The following OTOGL variants were observed in gnomAD, a reference collection of about 807,000 sequenced individuals.
OTOGL encodes otogelin-like protein.
OTOGL carries 285 observed loss-of-function variants against 318.5 expected under a neutral mutation model. The ratio of observed to expected loss-of-function variants is 0.89; its 90% confidence interval spans 0.81 to 0.99. The LOEUF (loss-of-function observed/expected upper bound fraction) is 0.99, where lower values mean the gene tolerates loss of function less well. Ranked by LOEUF, OTOGL falls within the 50% of genes least tolerant of loss-of-function variation. The pLI, the probability that OTOGL is intolerant of heterozygous loss-of-function variation, is 0.00. For synonymous variants in OTOGL, 987 were observed against 936.5 expected, an observed-to-expected ratio of 1.05 and a Z score of -0.99; for missense variants, 2,899 against 2,845.6, an observed-to-expected ratio of 1.02 and a Z score of -0.43.
rs1891393587 is a variant in OTOGL at position 80,380,470 on chromosome 12, T to C, written c.*2422T>C. On this transcript the variant is annotated 3_prime_UTR_variant, in exon 59 of 59. Coordinates refer to ENST00000547103, the MANE Select transcript of OTOGL (RefSeq NM_001378609.3). The stretch of plus-strand genomic sequence containing the variant: ...AAAATGAGCCAAAGATATAAACTGA[T>C]AGTTGAAAGAAAAATAAGTAAGACT... 6.6e-6 allele frequency: 1 copy of C among 151,944 alleles called. No individual in the cohort carries two copies. The highest frequency in any genetic ancestry group is 1.5e-5 in the Non-Finnish European group (1 of 67,908). 9.4% of individuals were successfully genotyped at this position (151,944 alleles called of 1,614,324 possible).
At position 80,239,352 on chromosome 12, in the gene OTOGL, A is replaced by T. The variant is rs749445296; in HGVS notation, c.965A>T (p.Gln322Leu). 6.2e-7 allele frequency: 1 copy of T among 1,608,636 alleles called. No individual in the cohort carries two copies. Among genetic ancestry groups the T allele is most frequent in the African/African-American group, 1.3e-5 (1 of 74,706 alleles). The stretch of plus-strand genomic sequence containing the variant: ...GCACAGGCAATCTTCTTCAAGTGTC[A>T]GATACTGTTGCAGTTTCCTTTTCTG... ...PAFEAIFFKC[Q>L]ILLQFPFLSC... The change falls in exon 11 of 59, where the codon CAG becomes CTG. Residue 322 changes from glutamine (Q) to leucine (L), a missense_variant. Transcript: ENST00000547103.
chr12:80,151,506 AT>A (rs1445988245), intron 1 of OTOGL, among the ~76,000 whole-genome samples: 2 of 152,238 alleles, frequency 1.3e-5, no homozygotes, highest in Non-Finnish European at 2.9e-5. Context: ...TCTAAAAAAA[AT>A]AAATAAAATA....
intron 1 of OTOGL, chr12:80,103,436 A>G: frequency 1.6e-6 from 1 of 622,464 alleles, no homozygotes; most frequent in East Asian, 2.7e-5. Flanking sequence ...CTATGCCAGA[A>G]TGTTGTCCCT....
chr12:80,351,320 T>A (rs985186988), intron 44 of OTOGL, among the ~76,000 whole-genome samples: 1 of 152,028 alleles, frequency 6.6e-6, no homozygotes, highest in Non-Finnish European at 1.5e-5. Context: ...GTTGTTGTTT[T>A]GTTTGTTTGT....
chr12:80,129,746 C>T lies in OTOGL; in HGVS notation c.-20+30141C>T, dbSNP rs145459055. Among the ~76,000 whole-genome samples the T allele has an allele frequency of 9.9e-4, 150 of 152,264 alleles. 1 individual carries two copies. Among genetic ancestry groups the T allele is most frequent in the African/African-American group, 3.3e-3 (139 of 41,560 alleles). ...CCCATCACTTTCCTGAAATTTTATT[C>T]ATAGTCACCTGTGACCTTTTAGAAA... is the stretch of plus-strand genomic sequence containing the variant. On this transcript the variant is annotated intron_variant, in intron 1 of 58. Coordinates refer to ENST00000547103, the MANE Select transcript of OTOGL (RefSeq NM_001378609.3).
In OTOGL at chr12:80,308,520, C is replaced by T. The variant is rs1040000545; in HGVS notation, c.3334-2091C>T. On this transcript the variant is annotated intron_variant, in intron 29 of 58. Coordinates refer to ENST00000547103, the MANE Select transcript of OTOGL (RefSeq NM_001378609.3). Reference sequence around the variant, plus strand: ...GCAGAGGGGCTCCTCACATCCCAGACGATGGGCGGCCAGGCGGAGACGCTC... The same window carrying T: ...GCAGAGGGGCTCCTCACATCCCAGATGATGGGCGGCCAGGCGGAGACGCTC... 6.5e-3 allele frequency among the ~76,000 whole-genome samples: 972 copies of T among 149,482 alleles called. 4 individuals are homozygous for T. The highest frequency in any genetic ancestry group is 0.022 in the African/African-American group (903 of 40,570).
At chr12:80,352,763 A>G (rs1409995782) in intron 45 of OTOGL, among the ~76,000 whole-genome samples, 1 of 152,202 alleles carries the variant, frequency 6.6e-6, no homozygotes, top group Non-Finnish European at 1.5e-5. Flanking sequence ...CTGAGATTAT[A>G]CCATTTATAA....
chr12:80,252,249 C>T, intron 13 of OTOGL, 48 bp downstream of exon 13: 1 of 1,541,478 alleles, frequency 6.5e-7, no homozygotes, highest in Non-Finnish European at 8.8e-7. Context: ...GAAACTAGTA[C>T]CCAGTGATCT....
At chr12:80,246,217 G>C (rs1393618281) in intron 11 of OTOGL, among the ~76,000 whole-genome samples, 2 of 149,578 alleles carry the variant, frequency 1.3e-5, no homozygotes, top group African/African-American at 5.1e-5. Flanking sequence ...GGAGCGGTGA[G>C]AGAGAGCATC....
intron 56 of OTOGL, among the ~76,000 whole-genome samples, chr12:80,371,375 C>T (rs1037337): frequency 0.05 from 7,615 of 151,786 alleles, 266 homozygotes; most frequent in Admixed American, 0.098. Flanking sequence ...TCAATGATGA[C>T]GGCTGGCTGG....
At chr12:80,168,760 A>G (rs181566047) in intron 1 of OTOGL, among the ~76,000 whole-genome samples, 7 of 152,284 alleles carry the variant, frequency 4.6e-5, no homozygotes, top group African/African-American at 1.7e-4. Context: ...TTATCTTGTA[A>G]GTTATGATAT....
chr12:80,121,453 A>G (rs1870482532), intron 1 of OTOGL, among the ~76,000 whole-genome samples: 1 of 152,164 alleles, frequency 6.6e-6, no homozygotes, highest in Admixed American at 6.6e-5. Context: ...AGTATCTGCA[A>G]CAACTTCCTC....
At chr12:80,179,844 A>G (rs78101311) in intron 1 of OTOGL, among the ~76,000 whole-genome samples, 286 of 152,346 alleles carry the variant, frequency 1.9e-3, no homozygotes, top group African/African-American at 6.5e-3. Flanking sequence ...GCTGCTATCC[A>G]TGAAATATAC....
intron 1 of OTOGL, among the ~76,000 whole-genome samples, chr12:80,188,311 G>A (rs1244189467): frequency 2.6e-5 from 4 of 151,816 alleles, no homozygotes; most frequent in Non-Finnish European, 4.4e-5. Flanking sequence ...AGGCCGAGGC[G>A]GGCAGATCAC....
chr12:80,184,927 T>C (rs558983250), intron 1 of OTOGL, among the ~76,000 whole-genome samples: 14 of 152,346 alleles, frequency 9.2e-5, no homozygotes, highest in Admixed American at 5.9e-4. Flanking sequence ...GCATCTCCCA[T>C]ATGACAAGTA....
intron 1 of OTOGL, among the ~76,000 whole-genome samples, chr12:80,199,945 T>C (rs1306205559): frequency 3.3e-5 from 5 of 152,182 alleles, no homozygotes; most frequent in Admixed American, 1.3e-4. Context: ...TCTGAACTTT[T>C]CCTCCCTTTC....
Position 80,336,055 on chromosome 12 carries a change from G to T in OTOGL, c.4515G>T (p.Lys1505Asn). Reference sequence around the variant, plus strand: ...ACAACTGGTCCCTTAATTGCCCAAAGGACGTGGAAATGCCTGACTGTGGTT... The same window carrying T: ...ACAACTGGTCCCTTAATTGCCCAAATGACGTGGAAATGCCTGACTGTGGTT... ...QLYNWSLNCP[K>N]DVEMPDCGFR... is the part of the protein sequence containing the mutation. The change falls in exon 39 of 59, where the codon AAG becomes AAT. Residue 1505 changes from lysine (K) to asparagine (N), a missense_variant. Physicochemically the swap from Lys to Asn is moderately conservative, Grantham distance 94 (BLOSUM62 0). This residue lies in a region of OTOGL where 2,607 missense variants were observed against 2,524.9 expected (regional missense o/e 1.03). Transcript: ENST00000547103. The T allele has an allele frequency of 1.3e-6, 2 of 1,598,782 alleles. No homozygotes were observed. The highest frequency in any genetic ancestry group is 1.7e-6 in the Non-Finnish European group (2 of 1,179,402).
intron 1 of OTOGL, among the ~76,000 whole-genome samples, chr12:80,154,568 C>T (rs995098462): frequency 3.3e-5 from 5 of 152,078 alleles, no homozygotes; most frequent in African/African-American, 1.2e-4. Context: ...TGGAGCTGAC[C>T]ATTTAATGAA....
chr12:80,152,811 C>T (rs1288301110), intron 1 of OTOGL, among the ~76,000 whole-genome samples: 1 of 152,166 alleles, frequency 6.6e-6, no homozygotes, highest in Non-Finnish European at 1.5e-5. Context: ...GCCTCAGCCT[C>T]AGCTGGGATT....
Sources: allele counts gnomAD v4.1 joint callset (sites outside exome capture counted in the v4.1 genomes callset), GRCh38; gene constraint gnomAD v4.1.1; regional missense constraint gnomAD v4.1.1; transcripts MANE v1.5; gene names NCBI Gene and HGNC (gene_info 2026-07-23, HGNC 2026-07-21).